NEK10: variants seen among roughly 807,000 people sequenced by gnomAD.
NEK10 encodes the protein serine/threonine-protein kinase Nek10.
A neutral mutation model predicts 159.8 loss-of-function variants in NEK10; 122 were observed. The observed-to-expected ratio is 0.76, with a 90% CI of 0.66 to 0.89. The LOEUF (loss-of-function observed/expected upper bound fraction) is 0.89. NEK10 is among the 40% of genes least tolerant of loss of function. The probability of loss-of-function intolerance (pLI) is 0.00; values close to 1 mark genes in which losing one functional copy is unlikely to be tolerated. For missense variants in NEK10, 1,342 were observed against 1,323.1 expected, an observed-to-expected ratio of 1.01 and a Z score of -0.22; for synonymous variants, 466 against 457.1, an observed-to-expected ratio of 1.02 and a Z score of -0.25.
At chr3:27,218,344 C>T (rs1411570796) in intron 23 of NEK10, among the ~76,000 whole-genome samples, 2 of 152,048 alleles carry the variant, frequency 1.3e-5, no homozygotes, top group Non-Finnish European at 2.9e-5. Context: ...CAGTGGCTCA[C>T]GCCTGTAATC....
chr3:27,304,696 C>G lies in NEK10; in HGVS notation c.1028+51G>C, dbSNP rs9832064. The G allele has an allele frequency of 8.5e-4, 1,002 of 1,184,336 alleles. 8 individuals are homozygous for G. In the African/African-American group the frequency reaches 0.013, roughly 15 times the overall value. 73.4% of individuals were successfully genotyped at this position (1,184,336 alleles called of 1,614,324 possible). On this transcript the variant is annotated intron_variant, in intron 12 of 35. Coordinates refer to ENST00000691995, the MANE Select transcript of NEK10 (RefSeq NM_001394966.1). ...CAATCTGCCATCTTGTCACAGAGTC[C>G]CCAGACTTCAACAAACAGGGCAAAG...
At chr3:27,329,901 T>C (rs1038687753) in intron 5 of NEK10, among the ~76,000 whole-genome samples, 1 of 152,198 alleles carries the variant, frequency 6.6e-6, no homozygotes, top group African/African-American at 2.4e-5. Flanking sequence ...TTTTGGTATA[T>C]ATAGTCATCC....
chr3:27,352,746 G>T, intron 2 of NEK10, 66 bp downstream of exon 2: 2 of 1,101,096 alleles, frequency 1.8e-6, no homozygotes, highest in African/African-American at 1.5e-5. Context: ...TTCTCAAAAA[G>T]CCATTAAATC....
chr3:27,301,727 T>G lies in NEK10; in HGVS notation c.1137A>C (p.Glu379Asp). The change falls in exon 13 of 36, where the codon GAA becomes GAC. Residue 379 changes from glutamate to aspartate, a missense_variant. Physicochemically the swap from Glu to Asp is conservative, Grantham distance 45. Coordinates refer to ENST00000691995, the MANE Select transcript of NEK10 (RefSeq NM_001394966.1). ...LHLSEDLSPREIQENTFSLQA... is the reference protein window; with the variant it reads ...LHLSEDLSPRDIQENTFSLQA... ...GAAGTGAGAAAGTATTTTCTTGTAT[T>G]TCCCTAGGGCTCAAGTCTTCTGATA... The G allele has an allele frequency of 1.3e-6, 2 of 1,577,254 alleles. No individual in the cohort carries two copies. Among genetic ancestry groups the G allele is most frequent in the Non-Finnish European group, 1.7e-6 (2 of 1,157,760 alleles).
At chr3:27,181,621 T>A (rs573078312) in intron 26 of NEK10, among the ~76,000 whole-genome samples, 1 of 152,190 alleles carries the variant, frequency 6.6e-6, no homozygotes, top group Non-Finnish European at 1.5e-5. Flanking sequence ...TTCACTGACA[T>A]CCCTATTTAA....
intron 20 of NEK10, 84 bp downstream of exon 20, chr3:27,287,614 G>T (rs886572850): frequency 7.1e-7 from 1 of 1,405,974 alleles, no homozygotes; most frequent in Non-Finnish European, 9.5e-7. Flanking sequence ...AGTTGATTAG[G>T]TTTCTTTTGT....
rs573454482 is a variant in NEK10, at chr3:27,144,015, G to A, written c.2870-2433C>T. Reference sequence around the variant, plus strand: ...ACATAAAATGCGTTTTCTATTGATAGTCATTTCCAAGCATTTGAAAGCTAC... The same window carrying A: ...ACATAAAATGCGTTTTCTATTGATAATCATTTCCAAGCATTTGAAAGCTAC... On this transcript the variant is annotated intron_variant, in intron 30 of 35. Coordinates refer to ENST00000691995, the MANE Select transcript of NEK10 (RefSeq NM_001394966.1). Among the ~76,000 whole-genome samples the A allele has an allele frequency of 2.6e-5, 4 of 152,340 alleles. No homozygotes were observed. The South Asian group carries it at 8.3e-4, about 32-fold the overall frequency.
At chr3:27,366,019 C>G (rs1429250232) in intron 1 of NEK10, among the ~76,000 whole-genome samples, 1 of 152,040 alleles carries the variant, frequency 6.6e-6, no homozygotes, top group African/African-American at 2.4e-5. Context: ...AGCCATACAC[C>G]CTGTCCACAA....
At chr3:27,159,418 G>A (rs551422131) in intron 30 of NEK10, among the ~76,000 whole-genome samples, 114 of 152,166 alleles carry the variant, frequency 7.5e-4, no homozygotes, top group African/African-American at 2.2e-3. Context: ...GTTAGTCGAT[G>A]TAAAGAAAAA....
In NEK10 at chr3:27,227,959, C is replaced by T. The variant is rs553987924; in HGVS notation, c.2091-25402G>A. Among the ~76,000 whole-genome samples, 5 of 152,244 alleles carry T rather than the reference C, an allele frequency of 3.3e-5. No homozygotes were observed. The South Asian group carries it at 1.0e-3, about 32-fold the overall frequency. ...AAAGCAGATCTTGTTTAAACTCAGA[C>T]ACTGACACATATAAGGGCACAATAA... is the stretch of plus-strand genomic sequence containing the variant. On this transcript the variant is annotated intron_variant, in intron 23 of 35. Transcript: ENST00000691995.
Position 27,297,213 on chromosome 3 carries a change from A to G in NEK10, c.1196T>C (p.Val399Ala). The change falls in exon 14 of 36, where the codon GTG becomes GCG. Residue 399 changes from valine (V) to alanine (A), a missense_variant. Coordinates refer to ENST00000691995, the MANE Select transcript of NEK10 (RefSeq NM_001394966.1). ...AACCAALTEL[V>A]LNDTNAHQVV... is the part of the protein sequence containing the mutation. ...CTGGTGGGCATTGGTGTCATTGAGC[A>G]CCAGCTCAGTGAGGGCAGCACAGCA... 6.2e-7 allele frequency: 1 copy of G among 1,613,206 alleles called. No homozygotes were observed. The highest frequency in any genetic ancestry group is 8.5e-7 in the Non-Finnish European group (1 of 1,179,158).
At position 27,109,580 on chromosome 3, in the gene NEK10, C is replaced by T. The variant is rs1342133879; in HGVS notation, c.*1692G>A. ...GGGAAATAACTTGATTTCAAACTCT[C>T]ACCCCACAATTAGAATTTGTGCCCC... On this transcript the variant is annotated 3_prime_UTR_variant, in exon 36 of 36. Coordinates refer to ENST00000691995, the MANE Select transcript of NEK10 (RefSeq NM_001394966.1). 6.6e-6 allele frequency among the ~76,000 whole-genome samples: 1 copy of T among 152,166 alleles called. No individual in the cohort carries two copies. Among genetic ancestry groups the T allele is most frequent in the East Asian group, 1.9e-4 (1 of 5,192 alleles).
chr3:27,142,318 C>T (rs1261426844), intron 30 of NEK10, among the ~76,000 whole-genome samples: 1 of 152,164 alleles, frequency 6.6e-6, no homozygotes, highest in Non-Finnish European at 1.5e-5. Context: ...ACTCTTTTCT[C>T]TAGATTACCT....
intron 30 of NEK10, among the ~76,000 whole-genome samples, chr3:27,160,874 C>G (rs913417936): frequency 6.6e-6 from 1 of 152,132 alleles, no homozygotes; most frequent in Non-Finnish European, 1.5e-5. Flanking sequence ...CCACTGCACT[C>G]AAGCCTTGGC....
At chr3:27,320,888 A>G (rs147739596) in intron 6 of NEK10, among the ~76,000 whole-genome samples, 129 of 152,334 alleles carry the variant, frequency 8.5e-4, no homozygotes, top group African/African-American at 3.0e-3. Flanking sequence ...CAAATGCCAA[A>G]TATGGAAAAG....
chr3:27,155,745 C>T (rs1223774352), intron 30 of NEK10, among the ~76,000 whole-genome samples: 3 of 151,696 alleles, frequency 2.0e-5, no homozygotes, highest in African/African-American at 7.3e-5. Context: ...CAATGCAATC[C>T]CCATCAAAAT....
intron 5 of NEK10, among the ~76,000 whole-genome samples, chr3:27,337,030 C>G (rs1603052): frequency 0.35 from 53,202 of 151,134 alleles, 10,396 homozygotes; most frequent in East Asian, 0.74. Flanking sequence ...ACACATTTGG[C>G]GGGGGGGAAA....
In NEK10 at chr3:27,109,368, G is replaced by A. The variant is rs1207847133; in HGVS notation, c.*1904C>T. Among the ~76,000 whole-genome samples, 57 of 132,584 alleles carry A rather than the reference G, an allele frequency of 4.3e-4. No individual in the cohort carries two copies. Among genetic ancestry groups the A allele is most frequent in the African/African-American group, 1.4e-3 (52 of 36,842 alleles). The allele number at this position is 132,584 out of a possible 152,430, so 87.0% of individuals were successfully genotyped here. On this transcript the variant is annotated 3_prime_UTR_variant, in exon 36 of 36. Transcript: ENST00000691995. ...CACTCAAGCCTGGGCAACAGAGTGA[G>A]ACTCTGTCTTAAAAAAAAAAAAAAA...
chr3:27,194,816 T>C (rs1949426836), intron 25 of NEK10: 1 of 152,194 alleles, frequency 6.6e-6, no homozygotes, highest in Non-Finnish European at 1.5e-5. Flanking sequence ...TAAAAGGAAA[T>C]GTTCTTCCTT....
Sources: allele counts gnomAD v4.1 joint callset (sites outside exome capture counted in the v4.1 genomes callset), GRCh38; gene constraint gnomAD v4.1.1; transcripts MANE v1.5; gene names NCBI Gene and HGNC (gene_info 2026-07-23, HGNC 2026-07-21).